UBASH3B: variants seen among roughly 807,000 people sequenced by gnomAD.
UBASH3B encodes the protein ubiquitin associated and SH3 domain containing B, also known as ubiquitin-associated and SH3 domain-containing protein B.
A neutral mutation model predicts 83.4 loss-of-function variants in UBASH3B; 37 were observed. That is an observed-to-expected ratio of 0.44 (90% CI 0.34 to 0.58). The LOEUF is 0.58. Ranked by LOEUF, UBASH3B falls within the 20% of genes least tolerant of loss-of-function variation. The pLI is 0.01. For missense variants in UBASH3B, 657 were observed against 827.2 expected (o/e 0.79, Z 2.52); for synonymous variants, 304 against 318.3 (o/e 0.96, Z 0.48).
chr11:122,795,824 C>T (rs1368983062), intron 7 of UBASH3B, among the ~76,000 whole-genome samples: 1 of 152,234 alleles, frequency 6.6e-6, no homozygotes, highest in Non-Finnish European at 1.5e-5. Flanking sequence ...GCTCTCTCTA[C>T]ATGAATGGCT....
chr11:122,774,708 G>A (rs137894679), intron 1 of UBASH3B, among the ~76,000 whole-genome samples: 576 of 152,320 alleles, frequency 3.8e-3, no homozygotes, highest in African/African-American at 0.013. Flanking sequence ...CTGAATCAAC[G>A]TAGTGTGAAG....
chr11:122,752,560 C>T (rs1254940314), intron 1 of UBASH3B, among the ~76,000 whole-genome samples: 1 of 152,160 alleles, frequency 6.6e-6, no homozygotes, highest in African/African-American at 2.4e-5. Context: ...AAACAGGGCA[C>T]GATGCAGCAG....
chr11:122,761,249 C>T (rs892451193), intron 1 of UBASH3B, among the ~76,000 whole-genome samples: 3 of 152,114 alleles, frequency 2.0e-5, no homozygotes, highest in Admixed American at 6.5e-5. Context: ...TATCCAAGTC[C>T]GTGACTTCTT....
chr11:122,730,019 G>T (rs1860815312), intron 1 of UBASH3B, among the ~76,000 whole-genome samples: 1 of 146,338 alleles, frequency 6.8e-6, no homozygotes, highest in African/African-American at 2.5e-5. Context: ...AGGTGCAGTG[G>T]CTCACACCTG....
At chr11:122,673,055 C>T (rs1335426556) in intron 1 of UBASH3B, among the ~76,000 whole-genome samples, 1 of 152,220 alleles carries the variant, frequency 6.6e-6, no homozygotes, top group Non-Finnish European at 1.5e-5. Flanking sequence ...CCTCAGCATT[C>T]GCTGGTTGGG....
At chr11:122,709,752 T>C (rs1156483200) in intron 1 of UBASH3B, among the ~76,000 whole-genome samples, 2 of 152,240 alleles carry the variant, frequency 1.3e-5, no homozygotes, top group Non-Finnish European at 2.9e-5. Flanking sequence ...TAGCCTTTTC[T>C]CCTAGAGTTC....
intron 1 of UBASH3B, among the ~76,000 whole-genome samples, chr11:122,731,003 G>A (rs765198014): frequency 3.3e-5 from 5 of 152,144 alleles, no homozygotes; most frequent in African/African-American, 1.2e-4. Flanking sequence ...TGCCATGTCT[G>A]CAATCCCCAT....
intron 1 of UBASH3B, among the ~76,000 whole-genome samples, chr11:122,676,498 G>A (rs111990272): frequency 0.22 from 32,900 of 152,022 alleles, 3,867 homozygotes; most frequent in Non-Finnish European, 0.26. Context: ...CCGAGATTGC[G>A]CCAGTGCACT....
chr11:122,743,496 T>C (rs1416546958), intron 1 of UBASH3B, among the ~76,000 whole-genome samples: 3 of 152,198 alleles, frequency 2.0e-5, no homozygotes, highest in African/African-American at 7.2e-5. Flanking sequence ...ATTACAGGAA[T>C]GAACCCATTC....
chr11:122,705,906 T>C (rs1864112384), intron 1 of UBASH3B, among the ~76,000 whole-genome samples: 1 of 152,092 alleles, frequency 6.6e-6, no homozygotes, highest in Admixed American at 6.6e-5. Context: ...TGTGAGGCGT[T>C]GACCAGGCTG....
At position 122,782,173 on chromosome 11, in the gene UBASH3B, G is replaced by A. The variant is rs187001600; in HGVS notation, c.602-880G>A. On this transcript the variant is annotated intron_variant, in intron 4 of 13. Transcript: ENST00000284273. Reference sequence around the variant, plus strand: ...GGAGCATCACTTGAGCCCAGGAGGTGGAGGCTGTGGTGAGCTATGATCATG... The same window carrying A: ...GGAGCATCACTTGAGCCCAGGAGGTAGAGGCTGTGGTGAGCTATGATCATG... Among the ~76,000 whole-genome samples the A allele has an allele frequency of 3.1e-3, 470 of 151,880 alleles. 4 individuals are homozygous for A. Among genetic ancestry groups the A allele is most frequent in the Non-Finnish European group, 4.4e-3 (297 of 67,954 alleles).
intron 1 of UBASH3B, among the ~76,000 whole-genome samples, chr11:122,692,401 C>T (rs1265799320): frequency 6.6e-6 from 1 of 152,114 alleles, no homozygotes; most frequent in East Asian, 1.9e-4. Context: ...AGATGCCAAC[C>T]ACTCTCTAAA....
intron 1 of UBASH3B, among the ~76,000 whole-genome samples, chr11:122,670,590 C>T (rs969744892): frequency 6.6e-6 from 1 of 152,032 alleles, no homozygotes; most frequent in African/African-American, 2.4e-5. Context: ...CAGAGCCTGA[C>T]CTTAAGTGCA....
intron 1 of UBASH3B, among the ~76,000 whole-genome samples, chr11:122,731,630 G>A (rs1464730010): frequency 6.6e-6 from 1 of 152,196 alleles, no homozygotes; most frequent in Non-Finnish European, 1.5e-5. Flanking sequence ...GATGATTCAT[G>A]TCCCTAGTGG....
intron 1 of UBASH3B, among the ~76,000 whole-genome samples, chr11:122,681,077 A>G (rs1345262520): frequency 6.6e-6 from 1 of 152,208 alleles, no homozygotes; most frequent in African/African-American, 2.4e-5. Context: ...ATTCCATAAC[A>G]AATGAAGTTT....
At chr11:122,790,347 C>T (rs1365999681) in intron 6 of UBASH3B, among the ~76,000 whole-genome samples, 10 of 152,166 alleles carry the variant, frequency 6.6e-5, no homozygotes, top group African/African-American at 2.2e-4. Flanking sequence ...TCCCCCTCTC[C>T]CTCACTCTGC....
chr11:122,750,803 T>C (rs1393552119), intron 1 of UBASH3B, among the ~76,000 whole-genome samples: 1 of 152,224 alleles, frequency 6.6e-6, no homozygotes, highest in East Asian at 1.9e-4. Context: ...CACTTGAACA[T>C]AGAGTCCCCT....
At chr11:122,726,566 C>T (rs944597383) in intron 1 of UBASH3B, among the ~76,000 whole-genome samples, 1 of 152,086 alleles carries the variant, frequency 6.6e-6, no homozygotes, top group Non-Finnish European at 1.5e-5. Flanking sequence ...CCAGGCTGGT[C>T]TCGCACTCCT....
At chr11:122,786,644 G>A (rs1455277853) in intron 5 of UBASH3B, among the ~76,000 whole-genome samples, 1 of 152,078 alleles carries the variant, frequency 6.6e-6, no homozygotes, top group African/African-American at 2.4e-5. Context: ...GCGACAGAGC[G>A]AGACTCCGTC....
Sources: allele counts gnomAD v4.1 joint callset (sites outside exome capture counted in the v4.1 genomes callset), GRCh38; gene constraint gnomAD v4.1.1; transcripts MANE v1.5; gene names NCBI Gene and HGNC (gene_info 2026-07-23, HGNC 2026-07-21).